The following SLC18A2 variants were observed in gnomAD, a reference collection of about 807,000 sequenced individuals.
SLC18A2 encodes the protein solute carrier family 18 member A2.
Under a neutral mutation model 59.2 loss-of-function variants are expected in SLC18A2, and 33 were observed. The observed-to-expected ratio is 0.56, with a 90% CI of 0.42 to 0.75. The LOEUF (loss-of-function observed/expected upper bound fraction) is 0.75, where lower values mean the gene tolerates loss of function less well. SLC18A2 is among the 30% of genes least tolerant of loss of function. The probability of loss-of-function intolerance (pLI) is 0.00; values close to 1 mark genes in which losing one functional copy is unlikely to be tolerated. For missense variants in SLC18A2, 569 were observed against 668.6 expected (o/e 0.85, Z 1.64); for synonymous variants, 228 against 253.5 (o/e 0.90, Z 0.95).
chr10:117,255,545 C>T, intron 8 of SLC18A2, 23 bp downstream of exon 8: 1 of 1,614,068 alleles, frequency 6.2e-7, no homozygotes, highest in Non-Finnish European at 8.5e-7. Context: ...GAATGAGGGC[C>T]CTGGGGGAGG....
intron 10 of SLC18A2, among the ~76,000 whole-genome samples, chr10:117,264,336 G>A (rs1844325376): frequency 6.6e-6 from 1 of 152,240 alleles, no homozygotes; most frequent in Non-Finnish European, 1.5e-5. Context: ...CTGAGGCTGG[G>A]TGCGTGGCTC....
chr10:117,253,583 T>C (rs890979215), intron 4 of SLC18A2, 126 bp downstream of exon 4: 8 of 529,190 alleles, frequency 1.5e-5, no homozygotes, highest in Admixed American at 1.1e-4. Flanking sequence ...GGTTGGCTCA[T>C]GCCTGTAATC....
intron 11 of SLC18A2, 75 bp downstream of exon 11, chr10:117,266,886 C>A: frequency 6.4e-7 from 1 of 1,557,634 alleles, no homozygotes; most frequent in Non-Finnish European, 8.8e-7. Flanking sequence ...GTTGTTTCTG[C>A]CTTTGCTGTT....
chr10:117,255,645 C>A lies in SLC18A2; in HGVS notation c.883C>A (p.Leu295Ile). The change falls in exon 9 of 16, where the codon CTC becomes ATC. Residue 295 changes from leucine to isoleucine, a missense_variant. Physicochemically the swap from Leu to Ile is conservative, Grantham distance 5 (BLOSUM62 2). Around this residue, in one of 2 missense-constraint regions of SLC18A2, gnomAD observed 377 missense variants for 389.8 expected, o/e 0.97. Coordinates refer to ENST00000644641, the MANE Select transcript of SLC18A2 (RefSeq NM_003054.6). ...CACGCTGCTGAAGGACCCGTACATC[C>A]TCATTGCTGCAGGTGGGGCTCTGTG... is the stretch of plus-strand genomic sequence containing the variant. ...LTTLLKDPYI[L>I]IAAGSICFAN... is the part of the protein sequence containing the mutation. 6.2e-7 allele frequency: 1 copy of A among 1,613,546 alleles called. No individual in the cohort carries two copies. The highest frequency in any genetic ancestry group is 8.5e-7 in the Non-Finnish European group (1 of 1,179,970).
Position 117,244,171 on chromosome 10 carries a change from A to G in SLC18A2, c.322A>G (p.Thr108Ala). The G allele has an allele frequency of 1.2e-6, 2 of 1,614,186 alleles. No homozygotes were observed. The highest frequency in any genetic ancestry group is 8.5e-7 in the Non-Finnish European group (1 of 1,180,050). The change falls in exon 3 of 16, where the codon ACC becomes GCC. Residue 108 changes from threonine to alanine, a missense_variant. Around this residue, in one of 2 missense-constraint regions of SLC18A2, gnomAD observed 377 missense variants for 389.8 expected, o/e 0.97. Coordinates refer to ENST00000644641, the MANE Select transcript of SLC18A2 (RefSeq NM_003054.6). ...TCAGACCGCCACACAGCACATGGTGACCAACGCGTCCGCTGTTCCTTCCGA... is the reference window on the plus strand; with the variant it reads ...TCAGACCGCCACACAGCACATGGTGGCCAACGCGTCCGCTGTTCCTTCCGA... ...LHQTATQHMVTNASAVPSDCP... is the reference protein window; with the variant it reads ...LHQTATQHMVANASAVPSDCP...
Position 117,266,669 on chromosome 10 carries a change from A to G in SLC18A2, c.992-64A>G, listed in dbSNP as rs576057828. On this transcript the variant is annotated intron_variant, in intron 10 of 15. Transcript: ENST00000644641. ...CATCAACATTGTGGTGTCTACAGTT[A>G]TTACTTTTTCTAACATATGACTGAT... 7.2e-6 allele frequency: 9 copies of G among 1,248,960 alleles called. No individual in the cohort carries two copies. In the African/African-American group the frequency reaches 1.0e-4, roughly 14 times the overall value. 77.4% of individuals were successfully genotyped at this position (1,248,960 alleles called of 1,614,324 possible).
chr10:117,266,593 C>G, intron 10 of SLC18A2, 140 bp from the exon 11 acceptor site: 2 of 673,506 alleles, frequency 3.0e-6, no homozygotes, highest in East Asian at 2.6e-5. Flanking sequence ...CGGCAGGCGC[C>G]GGATATTAGC....
At chr10:117,253,718 C>T (rs1449979722) in intron 4 of SLC18A2, among the ~76,000 whole-genome samples, 1 of 152,140 alleles carries the variant, frequency 6.6e-6, no homozygotes, top group Non-Finnish European at 1.5e-5. Context: ...TGGTGGCATG[C>T]ACCTATAGTC....
At chr10:117,271,009 C>A (rs375526887) in intron 15 of SLC18A2, among the ~76,000 whole-genome samples, 3 of 152,258 alleles carry the variant, frequency 2.0e-5, no homozygotes, top group African/African-American at 4.8e-5. Flanking sequence ...AAAATTATAG[C>A]CATAGGCAAG....
intron 6 of SLC18A2, among the ~76,000 whole-genome samples, 156 bp from the exon 7 acceptor site, chr10:117,255,121 A>G (rs575267781): frequency 6.6e-6 from 1 of 152,368 alleles, no homozygotes; most frequent in Non-Finnish European, 1.5e-5. Context: ...AGTTGCCAAG[A>G]CAACTGAACT....
At chr10:117,273,397 A>C (rs1844449050) in intron 15 of SLC18A2, among the ~76,000 whole-genome samples, 1 of 152,208 alleles carries the variant, frequency 6.6e-6, no homozygotes, top group Non-Finnish European at 1.5e-5. Context: ...AGGTTGAAGA[A>C]TTATTTTTAA....
intron 9 of SLC18A2, among the ~76,000 whole-genome samples, chr10:117,256,877 T>G (rs570339448): frequency 6.6e-6 from 1 of 152,264 alleles, no homozygotes; most frequent in East Asian, 1.9e-4. Flanking sequence ...TGTCCTGTCT[T>G]GGGCTTCCCT....
chr10:117,263,043 G>A (rs540262905), intron 10 of SLC18A2, among the ~76,000 whole-genome samples: 158 of 152,288 alleles, frequency 1.0e-3, no homozygotes, highest in Admixed American at 3.1e-3. Flanking sequence ...TATCACCGGC[G>A]CCAGACGTTC....
Position 117,269,967 on chromosome 10 carries a change from G to GGAA in SLC18A2, c.1187-101_1187-99dup. ...ACTTGCAGGTGGTGATGACAGAAGG[G>GGAA]GAAGAGCTGGCAGGGTGGTGAGTTT... On this transcript the variant is annotated intron_variant, in intron 13 of 15. Transcript: ENST00000644641. This position sits in a 1 kb window ranked among gnomAD's most constrained non-coding sequence, Gnocchi z 5.1. The GGAA allele has an allele frequency of 7.2e-7, 1 of 1,382,860 alleles. No homozygotes were observed. Among genetic ancestry groups the GGAA allele is most frequent in the Non-Finnish European group, 1.0e-6 (1 of 996,282 alleles). 85.7% of individuals were successfully genotyped at this position (1,382,860 alleles called of 1,614,324 possible).
At chr10:117,276,727 C>T (rs1844500459) in intron 15 of SLC18A2, among the ~76,000 whole-genome samples, 1 of 151,672 alleles carries the variant, frequency 6.6e-6, no homozygotes, top group Non-Finnish European at 1.5e-5. Flanking sequence ...ACATTTCTCA[C>T]ATGTGAGGGC....
chr10:117,241,855 C>T (rs764284537), intron 2 of SLC18A2, 41 bp downstream of exon 2: 9 of 1,562,674 alleles, frequency 5.8e-6, no homozygotes, highest in Admixed American at 3.6e-5. Context: ...CACCCCAGCC[C>T]CAGCGCCCCT....
intron 9 of SLC18A2, 108 bp downstream of exon 9, chr10:117,255,765 T>C: frequency 1.1e-6 from 1 of 945,240 alleles, no homozygotes; most frequent in South Asian, 1.5e-5. Flanking sequence ...CTAGAAATGT[T>C]GGGCTATATA....
chr10:117,253,995 CG>C, intron 4 of SLC18A2, 52 bp from the exon 5 acceptor site: 1 of 1,542,170 alleles, frequency 6.5e-7, no homozygotes. Context: ...CTGTTTGGGA[CG>C]GTTGTGTCCC....
chr10:117,251,948 G>T lies in SLC18A2; in HGVS notation c.465-1451G>T, dbSNP rs184888757. Among the ~76,000 whole-genome samples, 6 of 151,762 alleles carry T rather than the reference G, an allele frequency of 4.0e-5. No homozygotes were observed. In the East Asian group the frequency reaches 1.2e-3, roughly 30 times the overall value. On this transcript the variant is annotated intron_variant, in intron 3 of 15. Transcript: ENST00000644641. Reference sequence around the variant, plus strand: ...TGTAAACTTTAAATGAAGGCGCTATGATTATTTTTTATTTATTTATTTACT... The same window carrying T: ...TGTAAACTTTAAATGAAGGCGCTATTATTATTTTTTATTTATTTATTTACT...
Sources: gnomAD v4.1 joint callset for allele counts (sites outside exome capture counted in the v4.1 genomes callset) on GRCh38, gnomAD v4.1.1 for gene constraint, gnomAD v4.1.1 regional missense constraint, Gnocchi (gnomAD v3.1) non-coding constraint, MANE v1.5 for transcripts, NCBI Gene and HGNC (gene_info 2026-07-23, HGNC 2026-07-21) for gene names.